Variants in TNFSF13B observed in about 807,000 individuals in gnomAD.
TNFSF13B encodes the protein TNF superfamily member 13b, also known as tumor necrosis factor ligand superfamily member 13B.
A neutral mutation model predicts 29.1 loss-of-function variants in TNFSF13B; 8 were observed. That is an observed-to-expected ratio of 0.27 (90% confidence interval 0.16 to 0.50). TNFSF13B has a LOEUF of 0.50. Among genes scored for constraint, TNFSF13B ranks in the 20% least tolerant of loss-of-function variants. The pLI, the probability that TNFSF13B is intolerant of heterozygous loss-of-function variation, is 0.98. For missense variants in TNFSF13B, 248 were observed against 334.9 expected (o/e 0.74, Z 2.03); for synonymous variants, 125 against 130.8 (o/e 0.96, Z 0.30).
At chr13:108,292,014 C>A (rs1881329438) in intron 3 of TNFSF13B, among the ~76,000 whole-genome samples, 1 of 151,920 alleles carries the variant, frequency 6.6e-6, no homozygotes, top group East Asian at 1.9e-4. Context: ...AAATTAAATG[C>A]ACAATTCATT....
intron 2 of TNFSF13B, among the ~76,000 whole-genome samples, chr13:108,278,620 C>CCTCCTCCTCCCCTTCTCTTT: frequency 7.1e-6 from 1 of 140,184 alleles, no homozygotes; most frequent in Non-Finnish European, 1.6e-5. Context: ...CCCTTCTCTT[C>CCTCCTCCTCCCCTTCTCTTT]CTCCTCCTCC....
At chr13:108,287,830 CAAGTT>C (rs753916883) in intron 3 of TNFSF13B, among the ~76,000 whole-genome samples, 18 of 152,084 alleles carry the variant, frequency 1.2e-4, no homozygotes, top group Admixed American at 3.9e-4. Flanking sequence ...TAATTTTAGA[CAAGTT>C]AAGTGTTTTC....
intron 3 of TNFSF13B, among the ~76,000 whole-genome samples, chr13:108,295,293 GCCT>G (rs900844642): frequency 3.4e-5 from 5 of 145,188 alleles, no homozygotes; most frequent in Non-Finnish European, 6.1e-5. Flanking sequence ...TCCTGCCTCA[GCCT>G]CCCAAGTAGC....
chr13:108,300,315 G>A (rs1466278420), intron 3 of TNFSF13B, among the ~76,000 whole-genome samples: 1 of 152,148 alleles, frequency 6.6e-6, no homozygotes, highest in Non-Finnish European at 1.5e-5. Flanking sequence ...CTGTGGGTCA[G>A]TCATGATGTT....
chr13:108,278,579 TCC>T (rs1880824929), intron 2 of TNFSF13B, among the ~76,000 whole-genome samples: 1 of 110,596 alleles, frequency 9.0e-6, no homozygotes, highest in Non-Finnish European at 2.0e-5. Flanking sequence ...CCCCCTCCTC[TCC>T]TCCTCCTCCC....
intron 3 of TNFSF13B, among the ~76,000 whole-genome samples, chr13:108,300,629 AAG>A (rs1412690489): frequency 6.6e-6 from 1 of 152,252 alleles, no homozygotes; most frequent in Non-Finnish European, 1.5e-5. Flanking sequence ...TATATCGTAA[AAG>A]AGGCGATGAT....
In TNFSF13B at chr13:108,295,968, G is replaced by T. The variant is rs190934515; in HGVS notation, c.482-7285G>T. Among the ~76,000 whole-genome samples, 236 of 146,346 alleles carry T rather than the reference G, an allele frequency of 1.6e-3. 14 individuals are homozygous for T. Among genetic ancestry groups the T allele is most frequent in the Admixed American group, 0.014 (213 of 14,856 alleles). On this transcript the variant is annotated intron_variant, in intron 3 of 5. Transcript: ENST00000375887. ...TATCTTTTTAAAATACAAGATATTT[G>T]TGGAATTCAAATATTTTAAAATTTA... is the stretch of plus-strand genomic sequence containing the variant.
At chr13:108,290,457 G>A (rs1187745475) in intron 3 of TNFSF13B, among the ~76,000 whole-genome samples, 2 of 152,136 alleles carry the variant, frequency 1.3e-5, no homozygotes, top group Non-Finnish European at 2.9e-5. Context: ...GCTATCACTT[G>A]CAGCAAAAGA....
intron 2 of TNFSF13B, among the ~76,000 whole-genome samples, chr13:108,283,395 T>C (rs1881018094): frequency 6.6e-6 from 1 of 152,236 alleles, no homozygotes; most frequent in Non-Finnish European, 1.5e-5. Context: ...ATTTTATATC[T>C]TATTTTCTCT....
rs529423034 is a variant in TNFSF13B at position 108,284,489 on chromosome 13, T to C, written c.425-2314T>C. ...ATGTTTCCACGGTGTCCTTCCATGATGTTTTCTAAGTTATTTGCCTTGATA... is the reference window on the plus strand; with the variant it reads ...ATGTTTCCACGGTGTCCTTCCATGACGTTTTCTAAGTTATTTGCCTTGATA... On this transcript the variant is annotated intron_variant, in intron 2 of 5. Transcript: ENST00000375887. Among the ~76,000 whole-genome samples, 97 of 152,378 alleles carry C rather than the reference T, an allele frequency of 6.4e-4. 1 individual carries two copies. Among genetic ancestry groups the C allele is most frequent in the Non-Finnish European group, 1.2e-3 (85 of 68,036 alleles).
At chr13:108,298,067 G>A (rs1881504271) in intron 3 of TNFSF13B, among the ~76,000 whole-genome samples, 1 of 145,802 alleles carries the variant, frequency 6.9e-6, no homozygotes, top group South Asian at 2.1e-4. Flanking sequence ...GAATTGCACA[G>A]TATGTAACAT....
At chr13:108,295,974 T>A (rs1881449263) in intron 3 of TNFSF13B, among the ~76,000 whole-genome samples, 1 of 146,416 alleles carries the variant, frequency 6.8e-6, no homozygotes, top group Admixed American at 6.7e-5. Flanking sequence ...ATTTGTGGAA[T>A]TCAAATATTT....
chr13:108,307,959 C>T lies in TNFSF13B; in HGVS notation c.*1021C>T, dbSNP rs1881826960. 6.6e-6 allele frequency: 1 copy of T among 151,974 alleles called. No individual in the cohort carries two copies. Among genetic ancestry groups the T allele is most frequent in the African/African-American group, 2.4e-5 (1 of 41,406 alleles). The allele number at this position is 151,974 out of a possible 1,614,324, so 9.4% of individuals were successfully genotyped here. A position where few individuals can be genotyped will look rare whatever the true frequency, so the allele number is the denominator to read the frequency against. ...CCTGAAGTATGTCACATAGCATGTG[C>T]TCCTTATAAATATGTTGATATCTCA... On this transcript the variant is annotated 3_prime_UTR_variant, in exon 6 of 6. Transcript: ENST00000375887.
intron 3 of TNFSF13B, among the ~76,000 whole-genome samples, chr13:108,289,286 G>A (rs1473184219): frequency 1.3e-5 from 2 of 152,044 alleles, no homozygotes; most frequent in African/African-American, 2.4e-5. Context: ...AGATCCAGGG[G>A]TGCTGAACTG....
chr13:108,280,553 T>C (rs1173429014), intron 2 of TNFSF13B, among the ~76,000 whole-genome samples: 2 of 152,204 alleles, frequency 1.3e-5, no homozygotes, highest in African/African-American at 4.8e-5. Context: ...GCTCCTGATA[T>C]TCAGTGCGTT....
chr13:108,283,292 T>C (rs1881012800), intron 2 of TNFSF13B, among the ~76,000 whole-genome samples: 1 of 152,262 alleles, frequency 6.6e-6, no homozygotes, highest in South Asian at 2.1e-4. Flanking sequence ...TTATTCATTC[T>C]GCATCCCTAG....
At chr13:108,302,823 C>T (rs913103348) in intron 3 of TNFSF13B, 14 of 986,162 alleles carry the variant, frequency 1.4e-5, no homozygotes, top group Admixed American at 1.2e-4. Context: ...GAGATTTCTT[C>T]GTCTGGAAAC....
At position 108,297,698 on chromosome 13, in the gene TNFSF13B, A is replaced by C. The variant is rs1490072174; in HGVS notation, c.482-5555A>C. On this transcript the variant is annotated intron_variant, in intron 3 of 5. Transcript: ENST00000375887. Reference sequence around the variant, plus strand: ...TAGATTCACAGAAAAATTGAAAGGAAGGTACAGAGATATCTCATAGACCTC... The same window carrying C: ...TAGATTCACAGAAAAATTGAAAGGACGGTACAGAGATATCTCATAGACCTC... Among the ~76,000 whole-genome samples, 2 of 145,662 alleles carry C rather than the reference A, an allele frequency of 1.4e-5. 1 individual carries two copies.
chr13:108,283,189 A>C (rs1265269792), intron 2 of TNFSF13B, among the ~76,000 whole-genome samples: 1 of 152,250 alleles, frequency 6.6e-6, no homozygotes, highest in East Asian at 1.9e-4. Context: ...AAGTTGAAAT[A>C]GCTGAAATAG....
Sources: gnomAD v4.1 joint callset for allele counts (sites outside exome capture counted in the v4.1 genomes callset) on GRCh38, gnomAD v4.1.1 for gene constraint, MANE v1.5 for transcripts, NCBI Gene and HGNC (gene_info 2026-07-23, HGNC 2026-07-21) for gene names.